The following LARGE1 variants were observed in gnomAD, a reference collection of about 807,000 sequenced individuals.
The protein encoded by LARGE1 is xylosyl- and glucuronyltransferase LARGE1.
Under a neutral mutation model 87.6 loss-of-function variants are expected in LARGE1, and 43 were observed. The ratio of observed to expected loss-of-function variants is 0.49; its 90% CI spans 0.38 to 0.63. The LOEUF (loss-of-function observed/expected upper bound fraction) is 0.63, where lower values mean the gene tolerates loss of function less well. LARGE1 is among the 30% of genes least tolerant of loss of function. The pLI, the probability that LARGE1 is intolerant of heterozygous loss-of-function variation, is 0.00. For missense variants in LARGE1, 802 were observed against 1,000.2 expected (o/e 0.80, Z 2.67); for synonymous variants, 434 against 394.6 (o/e 1.10, Z -1.18).
At position 33,650,385 on chromosome 22, in the gene LARGE1, C is replaced by T. The variant is rs114558328; in HGVS notation, c.390G>A (p.Pro130=). 2 of 1,614,126 alleles carry T rather than the reference C, an allele frequency of 1.2e-6. No homozygotes were observed. Among genetic ancestry groups the T allele is most frequent in the Non-Finnish European group, 1.7e-6 (2 of 1,180,040 alleles). The change falls in exon 3 of 15, where the codon CCG becomes CCA. Residue 130 remains proline (P), a synonymous_variant. Transcript: ENST00000397394. ...CCTTTACCTCGCATTTCTCCACGAC[C>T]GGCTGCTGCCCACACTCGGAGCTGT... The part of the protein sequence containing the change: ...AGNSSECGQQ[P]VVEKCETIHV...
chr22:33,282,540 A>C (rs912307634), intron 13 of LARGE1, among the ~76,000 whole-genome samples: 2 of 151,922 alleles, frequency 1.3e-5, no homozygotes, highest in African/African-American at 2.4e-5. Flanking sequence ...GGTGGCACAG[A>C]CTCCTGGGAC....
chr22:33,135,498 T>C, the LARGE1 span, among the ~76,000 whole-genome samples: 92,807 of 152,148 alleles, frequency 0.61, 29,471 homozygotes, highest in African/African-American at 0.8. Flanking sequence ...CATAAATTTG[T>C]TGCTACATTT....
At chr22:33,306,944 A>T (rs995210900) in intron 11 of LARGE1, among the ~76,000 whole-genome samples, 1 of 151,990 alleles carries the variant, frequency 6.6e-6, no homozygotes, top group South Asian at 2.1e-4. Context: ...GTTGAGCTTT[A>T]CAGATAACAC....
At chr22:33,119,715 A>G in the LARGE1 span, among the ~76,000 whole-genome samples, 1 of 152,258 alleles carries the variant, frequency 6.6e-6, no homozygotes, top group Admixed American at 6.5e-5. Flanking sequence ...CTTTCTGGCA[A>G]CCACCCTGAG....
At position 33,487,199 on chromosome 22, in the gene LARGE1, C is replaced by T. The variant is rs548857568; in HGVS notation, c.788-54934G>A. On this transcript the variant is annotated intron_variant, in intron 6 of 14. Coordinates refer to ENST00000397394, the MANE Select transcript of LARGE1 (RefSeq NM_133642.5). ...TTCATTCACCTGTTCATCCATCTGA[C>T]GGATAATTACTGAGCCTGTACCATC... Among the ~76,000 whole-genome samples the T allele has an allele frequency of 5.3e-5, 8 of 152,290 alleles. No individual in the cohort carries two copies. The South Asian group carries it at 1.2e-3, about 24-fold the overall frequency.
intron 12 of LARGE1, among the ~76,000 whole-genome samples, chr22:33,297,866 G>T (rs1933542862): frequency 6.6e-6 from 1 of 150,574 alleles, no homozygotes; most frequent in Non-Finnish European, 1.5e-5. Flanking sequence ...TGTAATCCTA[G>T]CTACTCAGGA....
intron 6 of LARGE1, among the ~76,000 whole-genome samples, chr22:33,448,925 A>C (rs1050169133): frequency 3.3e-5 from 5 of 152,164 alleles, no homozygotes; most frequent in Non-Finnish European, 5.9e-5. Flanking sequence ...CACCCGCTCC[A>C]GGCAACCACT....
At chr22:33,355,461 CA>C (rs1252073008) in intron 9 of LARGE1, among the ~76,000 whole-genome samples, 3 of 152,182 alleles carry the variant, frequency 2.0e-5, no homozygotes, top group Admixed American at 6.5e-5. Flanking sequence ...GCCCTTTCCT[CA>C]AGGATAGTTT....
intron 5 of LARGE1, among the ~76,000 whole-genome samples, chr22:33,578,909 TAG>T (rs1035215322): frequency 2.5e-4 from 38 of 152,180 alleles, no homozygotes; most frequent in African/African-American, 8.7e-4. Flanking sequence ...GCAGTTATAA[TAG>T]AGTCATACAC....
At chr22:33,171,197 T>C (rs977758344) in intron 11 of LARGE1, among the ~76,000 whole-genome samples, 3 of 152,216 alleles carry the variant, frequency 2.0e-5, no homozygotes, top group Non-Finnish European at 4.4e-5. Context: ...AGATGTGACC[T>C]GGCTTTTTCT....
chr22:33,786,744 G>A (rs2085654655), intron 1 of LARGE1, among the ~76,000 whole-genome samples: 2 of 152,180 alleles, frequency 1.3e-5, no homozygotes, highest in Admixed American at 1.3e-4. Context: ...AAGATAGGCT[G>A]GGCGCAGTGG....
chr22:33,674,110 A>AT (rs1057405728), intron 2 of LARGE1, among the ~76,000 whole-genome samples: 1 of 149,806 alleles, frequency 6.7e-6, no homozygotes, highest in Admixed American at 6.6e-5. Flanking sequence ...CACCCCGCTA[A>AT]TTTTTTTTAT....
chr22:33,661,598 A>C (rs752041175), intron 2 of LARGE1, among the ~76,000 whole-genome samples: 27 of 152,076 alleles, frequency 1.8e-4, no homozygotes, highest in Non-Finnish European at 2.8e-4. Flanking sequence ...TTTCAATGGC[A>C]AACAGCAGCT....
intron 1 of LARGE1, among the ~76,000 whole-genome samples, chr22:33,859,536 C>T (rs1411524875): frequency 2.0e-5 from 3 of 152,178 alleles, no homozygotes; most frequent in Non-Finnish European, 4.4e-5. Flanking sequence ...TCAGGCTTAA[C>T]AAAGGCCACA....
At chr22:33,638,494 C>G (rs980164333) in intron 3 of LARGE1, among the ~76,000 whole-genome samples, 3 of 152,174 alleles carry the variant, frequency 2.0e-5, no homozygotes, top group South Asian at 2.1e-4. Context: ...CTAAAGTCTG[C>G]AGAGGTGAGG....
the LARGE1 span, among the ~76,000 whole-genome samples, chr22:33,074,413 G>A: frequency 3.9e-5 from 6 of 152,132 alleles, no homozygotes; most frequent in East Asian, 1.9e-4. Context: ...GGTGGCTCAC[G>A]CCTGTAATCC....
intron 6 of LARGE1, among the ~76,000 whole-genome samples, chr22:33,530,291 C>G (rs1390952987): frequency 6.6e-6 from 1 of 152,094 alleles, no homozygotes. Context: ...GAATCAGGGG[C>G]CTTGGAAACA....
intron 11 of LARGE1, among the ~76,000 whole-genome samples, chr22:33,210,164 G>T (rs1304657688): frequency 1.3e-5 from 2 of 152,160 alleles, no homozygotes; most frequent in Non-Finnish European, 2.9e-5. Flanking sequence ...CCAGGAGGCT[G>T]TCGCTTTCCA....
intron 7 of LARGE1, among the ~76,000 whole-genome samples, chr22:33,423,517 A>G (rs1246784353): frequency 6.6e-6 from 1 of 151,726 alleles, no homozygotes; most frequent in East Asian, 1.9e-4. Flanking sequence ...TCTCTATTAA[A>G]AAAAATACAT....
Sources: gnomAD v4.1 joint callset for allele counts (sites outside exome capture counted in the v4.1 genomes callset) on GRCh38, gnomAD v4.1.1 for gene constraint, MANE v1.5 for transcripts, NCBI Gene and HGNC (gene_info 2026-07-23, HGNC 2026-07-21) for gene names.